The following STARD9 variants were observed in gnomAD, a reference collection of about 807,000 sequenced individuals.
STARD9 encodes stAR-related lipid transfer protein 9.
Under a neutral mutation model 399.8 loss-of-function variants are expected in STARD9, and 346 were observed. The observed-to-expected ratio is 0.87, with a 90% CI of 0.79 to 0.95. The LOEUF (loss-of-function observed/expected upper bound fraction) is 0.95. Among genes scored for constraint, STARD9 ranks in the 40% least tolerant of loss-of-function variants. The probability of loss-of-function intolerance (pLI) is 0.00; values close to 1 mark genes in which losing one functional copy is unlikely to be tolerated. For missense variants in STARD9, 5,832 were observed against 5,667.5 expected (o/e 1.03, Z -0.93); for synonymous variants, 2,203 against 2,143.5 (o/e 1.03, Z -0.77).
At chr15:42,600,240 G>A (rs919140665) in intron 3 of STARD9, among the ~76,000 whole-genome samples, 1 of 152,148 alleles carries the variant, frequency 6.6e-6, no homozygotes, top group Admixed American at 6.5e-5. Context: ...ACTTAGTTGA[G>A]TCCAGCCTAT....
chr15:42,604,502 AGT>A (rs1368250127), intron 3 of STARD9, among the ~76,000 whole-genome samples: 1 of 152,180 alleles, frequency 6.6e-6, no homozygotes, highest in African/African-American at 2.4e-5. Flanking sequence ...ATTACTCCAC[AGT>A]GTGGTAAATG....
chr15:42,718,349 T>C (rs1416689442), intron 30 of STARD9, 86 bp from the exon 31 acceptor site: 3 of 1,281,986 alleles, frequency 2.3e-6, no homozygotes, highest in East Asian at 2.6e-5. Context: ...TGATGGGGTG[T>C]TGGGGGGAGG....
In STARD9 at chr15:42,695,806, C is replaced by A. The variant is rs189124530; in HGVS notation, c.13210C>A (p.Leu4404Ile). The change falls in exon 26 of 33, where the codon CTC (leucine) becomes ATC (isoleucine). Residue 4404 changes from leucine (L) to isoleucine (I), a missense_variant. Leu to Ile is a conservative substitution (Grantham distance 5). Coordinates refer to ENST00000290607, the MANE Select transcript of STARD9 (RefSeq NM_020759.3). The stretch of plus-strand genomic sequence containing the variant: ...CCTGTGCACCAGCTCTAATGGAAGC[C>A]TCTCGTCTGGCATGACCTCTGGCTA... ...SSLCTSSNGS[L>I]SSGMTSGYNS... 96 of 1,537,246 alleles carry A rather than the reference C, an allele frequency of 6.2e-5. 1 individual carries two copies. The African/African-American group carries it at 1.1e-3, about 18-fold the overall frequency.
At chr15:42,664,789 A>AACACACACACAC (rs55773330) in intron 13 of STARD9, among the ~76,000 whole-genome samples, 95 of 144,824 alleles carry the variant, frequency 6.6e-4, no homozygotes, top group African/African-American at 2.3e-3. Flanking sequence ...TTTATCCTTT[A>AACACACACACAC]ACACACACAC....
intron 26 of STARD9, among the ~76,000 whole-genome samples, chr15:42,698,441 T>A (rs1311939764): frequency 6.6e-6 from 1 of 152,210 alleles, no homozygotes; most frequent in African/African-American, 2.4e-5. Context: ...ATTTTTCTCA[T>A]ATGCTTGAAT....
Position 42,690,200 on chromosome 15 carries a change from G to A in STARD9, c.8622G>A (p.Val2874=), listed in dbSNP as rs1486425122. The A allele has an allele frequency of 1.3e-6, 2 of 1,537,762 alleles. No individual in the cohort carries two copies. The highest frequency in any genetic ancestry group is 4.9e-5 in the East Asian group (2 of 40,922). ...VALEAPTQQC[V]QCKESVGSGL... ...TGGAAGCTCCCACACAGCAGTGTGT[G>A]CAGTGTAAGGAGAGTGTTGGGTCTG... The change falls in exon 23 of 33, where the codon GTG becomes GTA. Residue 2874 remains valine (V), a synonymous_variant. Transcript: ENST00000290607.
Position 42,692,170 on chromosome 15 carries a change from C to CT in STARD9, c.10594dup (p.Tyr3532LeufsTer6). Reference sequence around the variant, plus strand: ...TCCCCTTTCCACTCCCACCTCAGCACTTACGCCAATATTTGTGATCTGTCA... The same window carrying CT: ...TCCCCTTTCCACTCCCACCTCAGCACTTTACGCCAATATTTGTGATCTGTCA... On this transcript the variant is annotated frameshift_variant, in exon 23 of 33. Transcript: ENST00000290607. LOFTEE classifies it high-confidence loss of function. 6.5e-7 allele frequency: 1 copy of CT among 1,537,144 alleles called. No homozygotes were observed.
At chr15:42,638,254 G>A (rs1462842842) in intron 6 of STARD9, 167 bp downstream of exon 6, 4 of 661,746 alleles carry the variant, frequency 6.0e-6, no homozygotes, top group Admixed American at 2.9e-5. Context: ...TAGGCCCTTG[G>A]TTGTAGGAAA....
intron 4 of STARD9, among the ~76,000 whole-genome samples, chr15:42,636,284 G>A (rs2059416702): frequency 6.6e-6 from 1 of 152,214 alleles, no homozygotes; most frequent in Middle Eastern, 3.4e-3. Flanking sequence ...GGGCAACAGA[G>A]TAAGAGACCC....
chr15:42,689,972 TA>T lies in STARD9; in HGVS notation c.8396del (p.Asn2799IlefsTer3), dbSNP rs2060652067. On this transcript the variant is annotated frameshift_variant, in exon 23 of 33. Transcript: ENST00000290607. LOFTEE classifies it high-confidence loss of function. The part of the protein sequence containing the change: ...LDTTYGEVSD[N>X]LLVTAQGEKT... Reference sequence around the variant, plus strand: ...ACACCACATATGGAGAAGTTTCAGATAATTTGTTAGTGACTGCACAGGGAGA... The same window carrying T: ...ACACCACATATGGAGAAGTTTCAGATATTTGTTAGTGACTGCACAGGGAGA... 2 of 1,537,470 alleles carry T rather than the reference TA, an allele frequency of 1.3e-6. No individual in the cohort carries two copies. The highest frequency in any genetic ancestry group is 1.7e-6 in the Non-Finnish European group (2 of 1,147,014).
At chr15:42,635,774 T>G (rs986671773) in intron 4 of STARD9, among the ~76,000 whole-genome samples, 1 of 152,212 alleles carries the variant, frequency 6.6e-6, no homozygotes, top group Non-Finnish European at 1.5e-5. Flanking sequence ...GGACAAGACC[T>G]GGACTAAATC....
chr15:42,678,966 C>A (rs2060369338), intron 20 of STARD9, among the ~76,000 whole-genome samples: 2 of 152,238 alleles, frequency 1.3e-5, no homozygotes, highest in African/African-American at 2.4e-5. Flanking sequence ...CCTCTCCTTG[C>A]AGGTCCTATG....
Position 42,691,867 on chromosome 15 carries a change from T to A in STARD9, c.10289T>A (p.Leu3430Ter). ...DFTTSWMSGT[L>*]EQAQQGKREK... is the part of the protein sequence containing the mutation. ...ACGACCAGCTGGATGTCTGGTACTTTGGAACAAGCCCAACAGGGAAAGCGA... is the reference window on the plus strand; with the variant it reads ...ACGACCAGCTGGATGTCTGGTACTTAGGAACAAGCCCAACAGGGAAAGCGA... Residue 3430 changes from leucine (L) to a stop codon, truncating the protein, a stop_gained, in exon 23 of 33, where the codon TTG becomes TAG. Coordinates refer to ENST00000290607, the MANE Select transcript of STARD9 (RefSeq NM_020759.3). LOFTEE classifies it high-confidence loss of function. The A allele has an allele frequency of 6.5e-7, 1 of 1,537,282 alleles. No homozygotes were observed. The highest frequency in any genetic ancestry group is 8.7e-7 in the Non-Finnish European group (1 of 1,146,908).
At chr15:42,658,460 C>A (rs987050637) in intron 9 of STARD9, among the ~76,000 whole-genome samples, 1 of 147,118 alleles carries the variant, frequency 6.8e-6, no homozygotes, top group Non-Finnish European at 1.5e-5. Context: ...ACAGGCATGA[C>A]CCACCATGCC....
At position 42,662,843 on chromosome 15, in the gene STARD9, A is replaced by C. The variant is rs372723596; in HGVS notation, c.820A>C (p.Asn274His). ...YCKDRIAEGA[N>H]INKSLVTLGI... Reference sequence around the variant, plus strand: ...TAAGGACCGCATTGCTGAAGGAGCCAATATCAACAAGTCCCTTGTGACTCT... The same window carrying C: ...TAAGGACCGCATTGCTGAAGGAGCCCATATCAACAAGTCCCTTGTGACTCT... Residue 274 changes from asparagine to histidine, a missense_variant, in exon 11 of 33, where the codon AAT becomes CAT. By Grantham distance (68) the Asn-to-His change is moderately conservative (BLOSUM62 1). Around this residue, in one of 2 missense-constraint regions of STARD9, gnomAD observed 5,828 missense variants for 5,651.1 expected, o/e 1.03. Coordinates refer to ENST00000290607, the MANE Select transcript of STARD9 (RefSeq NM_020759.3). 1.3e-6 allele frequency: 2 copies of C among 1,537,420 alleles called. No homozygotes were observed. Among genetic ancestry groups the C allele is most frequent in the African/African-American group, 2.7e-5 (2 of 73,056 alleles).
At chr15:42,648,372 A>T (rs1193823768) in intron 7 of STARD9, among the ~76,000 whole-genome samples, 1 of 152,204 alleles carries the variant, frequency 6.6e-6, no homozygotes, top group Non-Finnish European at 1.5e-5. Context: ...CATGTTGGCC[A>T]GGCTGATCTT....
In STARD9 at chr15:42,694,736, C is replaced by T; in HGVS notation, c.12962+11C>T. On this transcript the variant is annotated intron_variant, in intron 24 of 32. Transcript: ENST00000290607. ...TGTGGAGACCACCAGGTAGTGTGGA[C>T]CGAGAACCCTGCTGGGAGCAGGCTC... 6.5e-7 allele frequency: 1 copy of T among 1,535,898 alleles called. No homozygotes were observed. The highest frequency in any genetic ancestry group is 1.2e-5 in the South Asian group (1 of 83,982).
intron 3 of STARD9, among the ~76,000 whole-genome samples, chr15:42,595,925 G>T (rs1293953059): frequency 6.6e-6 from 1 of 152,090 alleles, no homozygotes; most frequent in African/African-American, 2.4e-5. Flanking sequence ...AATCTAACTT[G>T]TTTTTTCCGT....
rs779936653 is a variant in STARD9 at position 42,692,681 on chromosome 15, A to G, written c.11103A>G (p.Pro3701=). 9 of 1,537,064 alleles carry G rather than the reference A, an allele frequency of 5.9e-6. No individual in the cohort carries two copies. In the South Asian group the frequency reaches 1.1e-4, roughly 18 times the overall value. The change falls in exon 23 of 33, where the codon CCA becomes CCG. Residue 3701 remains proline (P), a synonymous_variant. Transcript: ENST00000290607. ...AGCTGCTTGGGAGTCTCTCCCAGCC[A>G]GATGTGGCCAGAAGGGAGCAGAACA... ...TSELLGSLSQ[P]DVARREQNTK... is the part of the protein sequence containing the mutation.
Sources: gnomAD v4.1 joint callset for allele counts (sites outside exome capture counted in the v4.1 genomes callset) on GRCh38, gnomAD v4.1.1 for gene constraint, gnomAD v4.1.1 regional missense constraint, MANE v1.5 for transcripts, NCBI Gene and HGNC (gene_info 2026-07-23, HGNC 2026-07-21) for gene names.